CYCS: variants seen among roughly 807,000 people sequenced by gnomAD.
The protein encoded by CYCS is cytochrome c, somatic.
For synonymous variants in CYCS, 41 were observed against 43.0 expected, an observed-to-expected ratio of 0.95 and a Z score of 0.18; for missense variants, 87 against 125.3, an observed-to-expected ratio of 0.69 and a Z score of 1.46.
In CYCS at chr7:25,123,801, T is replaced by C. The variant is rs1783398673; in HGVS notation, c.218A>G (p.Lys73Arg). 1 of 1,613,708 alleles carries C rather than the reference T, an allele frequency of 6.2e-7. No individual in the cohort carries two copies. Among genetic ancestry groups the C allele is most frequent in the Non-Finnish European group, 8.5e-7 (1 of 1,179,958 alleles). ...CATTTTTGTTCCAGGGATGTACTTC[T>C]TGGGATTCTCCAAATACTCCATCAG... Reference protein sequence around the residue: ...DTLMEYLENPKKYIPGTKMIF... With the variant: ...DTLMEYLENPRKYIPGTKMIF... Residue 73 changes from lysine (K) to arginine (R), a missense_variant, in exon 3 of 3, where the codon AAG becomes AGG. Coordinates refer to ENST00000305786, the MANE Select transcript of CYCS (RefSeq NM_018947.6).
Position 25,119,331 on chromosome 7 carries a change from C to T in CYCS, c.*4370G>A, listed in dbSNP as rs531686272. On this transcript the variant is annotated 3_prime_UTR_variant, in exon 3 of 3. Coordinates refer to ENST00000305786, the MANE Select transcript of CYCS (RefSeq NM_018947.6). ...CACTATTGTTGCCCAGGCTGGAGTG[C>T]GATGGGGCGGTCTTGGCTCACTGCA... Among the ~76,000 whole-genome samples the T allele has an allele frequency of 1.3e-4, 20 of 152,212 alleles. No homozygotes were observed. In the East Asian group the frequency reaches 3.1e-3, roughly 23 times the overall value.
Position 25,122,486 on chromosome 7 carries a change from A to G in CYCS, c.*1215T>C, listed in dbSNP as rs893467749. 2 of 152,202 alleles carry G rather than the reference A, an allele frequency of 1.3e-5. No individual in the cohort carries two copies. The highest frequency in any genetic ancestry group is 4.8e-5 in the African/African-American group (2 of 41,438). 9.4% of individuals were successfully genotyped at this position (152,202 alleles called of 1,614,324 possible). ...GCTCACCATCTCCATAAAATCTCCA[A>G]GGACTACTCTAAATGTGTATGGCAC... On this transcript the variant is annotated 3_prime_UTR_variant, in exon 3 of 3. Transcript: ENST00000305786.
In CYCS at chr7:25,121,708, G is replaced by A. The variant is rs944517152; in HGVS notation, c.*1993C>T. 5 of 152,308 alleles carry A rather than the reference G, an allele frequency of 3.3e-5. No individual in the cohort carries two copies. Among genetic ancestry groups the A allele is most frequent in the Non-Finnish European group, 7.3e-5 (5 of 68,066 alleles). The allele number at this position is 152,308 out of a possible 1,614,324, so 9.4% of individuals were successfully genotyped here. ...CTTTGGGGAGCCAAGGCAAGTGGAC[G>A]GATTGCTTGAGCTCAGGAGTTTGAG... On this transcript the variant is annotated 3_prime_UTR_variant, in exon 3 of 3. Transcript: ENST00000305786.
rs1019931746 is a variant in CYCS at position 25,121,993 on chromosome 7, A to G, written c.*1708T>C. On this transcript the variant is annotated 3_prime_UTR_variant, in exon 3 of 3. Coordinates refer to ENST00000305786, the MANE Select transcript of CYCS (RefSeq NM_018947.6). ...TGAACACATTTCTGTATCTATCTTA[A>G]TATGTTTCCTGTATCATTTCCAGGA... 1.9e-5 allele frequency: 2 copies of G among 103,394 alleles called. No individual in the cohort carries two copies. The highest frequency in any genetic ancestry group is 5.0e-5 in the African/African-American group (1 of 19,926). 6.4% of individuals were successfully genotyped at this position (103,394 alleles called of 1,614,324 possible).
At position 25,119,892 on chromosome 7, in the gene CYCS, G is replaced by A. The variant is rs1318708046; in HGVS notation, c.*3809C>T. 6.6e-6 allele frequency among the ~76,000 whole-genome samples: 1 copy of A among 152,128 alleles called. No individual in the cohort carries two copies. Among genetic ancestry groups the A allele is most frequent in the Non-Finnish European group, 1.5e-5 (1 of 68,018 alleles). On this transcript the variant is annotated 3_prime_UTR_variant, in exon 3 of 3. Coordinates refer to ENST00000305786, the MANE Select transcript of CYCS (RefSeq NM_018947.6). ...AATCTTCAGTGGTTAAAGCAAAACTGTACATCTATAAAGGAATTCAAGAGA... is the reference window on the plus strand; with the variant it reads ...AATCTTCAGTGGTTAAAGCAAAACTATACATCTATAAAGGAATTCAAGAGA...
chr7:25,123,942 G>T lies in CYCS; in HGVS notation c.169+9C>A. On this transcript the variant is annotated intron_variant, in intron 2 of 2. Coordinates refer to ENST00000305786, the MANE Select transcript of CYCS (RefSeq NM_018947.6). ...TTTTGTGTTGTTTTATTTAACAAGTGACTCTTACCTTTGTTCTTATTGGCG... is the reference window on the plus strand; with the variant it reads ...TTTTGTGTTGTTTTATTTAACAAGTTACTCTTACCTTTGTTCTTATTGGCG... 6.2e-7 allele frequency: 1 copy of T among 1,614,092 alleles called. No homozygotes were observed. The highest frequency in any genetic ancestry group is 8.5e-7 in the Non-Finnish European group (1 of 1,180,014).
rs780802226 is a variant in CYCS, at chr7:25,121,492, T to C, written c.*2209A>G. On this transcript the variant is annotated 3_prime_UTR_variant, in exon 3 of 3. Coordinates refer to ENST00000305786, the MANE Select transcript of CYCS (RefSeq NM_018947.6). ...TGGAAGGCGGAGGTTGCAGTGAGAT[T>C]GCACCACTGTACTCAGCCTGGGCGA... 2 of 152,058 alleles carry C rather than the reference T, an allele frequency of 1.3e-5. No individual in the cohort carries two copies. The highest frequency in any genetic ancestry group is 4.8e-5 in the African/African-American group (2 of 41,366). 9.4% of individuals were successfully genotyped at this position (152,058 alleles called of 1,614,324 possible). A position where few individuals can be genotyped will look rare whatever the true frequency, so the allele number is the denominator to read the frequency against.
chr7:25,124,009 A>C lies in CYCS; in HGVS notation c.111T>G (p.Phe37Leu). The change falls in exon 2 of 3, where the codon TTT (phenylalanine) becomes TTG (leucine). Residue 37 changes from phenylalanine (F) to leucine (L), a missense_variant. By Grantham distance (22) the Phe-to-Leu change is conservative. Coordinates refer to ENST00000305786, the MANE Select transcript of CYCS (RefSeq NM_018947.6). ...CAGGGGCCTGACCTGTCTTCCGCCC[A>C]AAGAGACCATGGAGATTTGGCCCAG... ...HKTGPNLHGL[F>L]GRKTGQAPGY... The C allele has an allele frequency of 6.2e-7, 1 of 1,614,148 alleles. No homozygotes were observed. Among genetic ancestry groups the C allele is most frequent in the Non-Finnish European group, 8.5e-7 (1 of 1,180,030 alleles).
Position 25,119,034 on chromosome 7 carries a change from T to C in CYCS, c.*4667A>G, listed in dbSNP as rs1026665496. 1.4e-4 allele frequency among the ~76,000 whole-genome samples: 21 copies of C among 152,134 alleles called. No homozygotes were observed. The highest frequency in any genetic ancestry group is 1.2e-3 in the Admixed American group (18 of 15,282). ...TCTAAGGATATGAACACCAGGACAATGGTTATTCTGAGGCACAGAAAATAC... is the reference window on the plus strand; with the variant it reads ...TCTAAGGATATGAACACCAGGACAACGGTTATTCTGAGGCACAGAAAATAC... On this transcript the variant is annotated 3_prime_UTR_variant, in exon 3 of 3. Coordinates refer to ENST00000305786, the MANE Select transcript of CYCS (RefSeq NM_018947.6).
At position 25,119,303 on chromosome 7, in the gene CYCS, T is replaced by C. The variant is rs141805409; in HGVS notation, c.*4398A>G. ...AACTTTTTTTCTTTTTGAGACGGAG[T>C]TTCACTATTGTTGCCCAGGCTGGAG... On this transcript the variant is annotated 3_prime_UTR_variant, in exon 3 of 3. Transcript: ENST00000305786. Among the ~76,000 whole-genome samples, 35 of 152,090 alleles carry C rather than the reference T, an allele frequency of 2.3e-4. No individual in the cohort carries two copies. In the East Asian group the frequency reaches 6.8e-3, roughly 29 times the overall value.
intron 1 of CYCS, chr7:25,124,544 G>A (rs535646740): frequency 1.5e-5 from 4 of 263,486 alleles, no homozygotes; most frequent in Non-Finnish European, 3.0e-5. Flanking sequence ...TCTCCCTGAG[G>A]ATAACGCAAA....
In CYCS at chr7:25,120,184, C is replaced by G. The variant is rs1320330136; in HGVS notation, c.*3517G>C. ...CACTGCAACCTCCACCTCCCAAGTT[C>G]AAGTGATTCTTGTGCCTCAGCCTCC... On this transcript the variant is annotated 3_prime_UTR_variant, in exon 3 of 3. Coordinates refer to ENST00000305786, the MANE Select transcript of CYCS (RefSeq NM_018947.6). The G allele has an allele frequency of 6.6e-6, 1 of 151,736 alleles. No homozygotes were observed. Among genetic ancestry groups the G allele is most frequent in the African/African-American group, 2.4e-5 (1 of 41,274 alleles). 9.4% of individuals were successfully genotyped at this position (151,736 alleles called of 1,614,324 possible). A position where few individuals can be genotyped will look rare whatever the true frequency, so the allele number is the denominator to read the frequency against.
chr7:25,124,609 G>A (rs1051126948), intron 1 of CYCS: 1 of 203,672 alleles, frequency 4.9e-6, no homozygotes, highest in Admixed American at 5.3e-5. Flanking sequence ...CAGGTCACAG[G>A]AGTAGCTTGA....
rs761699534 is a variant in CYCS at position 25,122,906 on chromosome 7, C to T, written c.*795G>A. ...TTAAAATTTGTGTATATCTCCGTTA[C>T]TTTAATCCTTTTAAGTTGGCAAAAG... On this transcript the variant is annotated 3_prime_UTR_variant, in exon 3 of 3. Transcript: ENST00000305786. 6.6e-6 allele frequency: 1 copy of T among 152,210 alleles called. No individual in the cohort carries two copies. The highest frequency in any genetic ancestry group is 1.5e-5 in the Non-Finnish European group (1 of 68,032). 9.4% of individuals were successfully genotyped at this position (152,210 alleles called of 1,614,324 possible). A position where few individuals can be genotyped will look rare whatever the true frequency, so the allele number is the denominator to read the frequency against.
chr7:25,123,658 T>C lies in CYCS; in HGVS notation c.*43A>G. ...AAGGATGGTACACATAAAAAAGTCA[T>C]GAGACATTTCTGTTTTGTAATAAAT... On this transcript the variant is annotated 3_prime_UTR_variant, in exon 3 of 3. Transcript: ENST00000305786. The C allele has an allele frequency of 6.5e-7, 1 of 1,548,034 alleles. No homozygotes were observed. Among genetic ancestry groups the C allele is most frequent in the Non-Finnish European group, 8.8e-7 (1 of 1,134,738 alleles).
rs542089649 is a variant in CYCS, at chr7:25,123,979, G to A, written c.141C>T (p.Tyr47=). The change falls in exon 2 of 3, where the codon TAC becomes TAT. Residue 47 remains tyrosine (Y), a synonymous_variant. Coordinates refer to ENST00000305786, the MANE Select transcript of CYCS (RefSeq NM_018947.6). ...FGRKTGQAPG[Y]SYTAANKNKG... ...TGTTCTTATTGGCGGCTGTGTAAGAGTATCCAGGGGCCTGACCTGTCTTCC... is the reference window on the plus strand; with the variant it reads ...TGTTCTTATTGGCGGCTGTGTAAGAATATCCAGGGGCCTGACCTGTCTTCC... 1 of 1,614,150 alleles carries A rather than the reference G, an allele frequency of 6.2e-7. No homozygotes were observed. Among genetic ancestry groups the A allele is most frequent in the African/African-American group, 1.3e-5 (1 of 75,028 alleles).
Position 25,124,800 on chromosome 7 carries a change from C to A in CYCS, c.-9+400G>T, listed in dbSNP as rs138030886. 1.4e-4 allele frequency: 22 copies of A among 153,292 alleles called. No homozygotes were observed. In the South Asian group the frequency reaches 3.3e-3, roughly 23 times the overall value. 9.5% of individuals were successfully genotyped at this position (153,292 alleles called of 1,614,324 possible). On this transcript the variant is annotated intron_variant, in intron 1 of 2. Coordinates refer to ENST00000305786, the MANE Select transcript of CYCS (RefSeq NM_018947.6). ...GACTGACGGAAGAAACATGTGCCCA[C>A]GAAAAGAACTGGCCCCTTATTAGAA...
At chr7:25,124,252 A>C in intron 1 of CYCS, 125 bp from the exon 2 acceptor site, 1 of 788,550 alleles carries the variant, frequency 1.3e-6, no homozygotes, top group South Asian at 1.5e-5. Context: ...TACCAGAATG[A>C]ATCTTGTTTT....
In CYCS at chr7:25,119,194, T is replaced by C. The variant is rs1583392514; in HGVS notation, c.*4507A>G. On this transcript the variant is annotated 3_prime_UTR_variant, in exon 3 of 3. Transcript: ENST00000305786. ...GCATTACATAGCTCTCGCCCCCAAC[T>C]TGGCAACATCTTATTGGTTTTCAGA... Among the ~76,000 whole-genome samples, 1 of 152,216 alleles carries C rather than the reference T, an allele frequency of 6.6e-6. No homozygotes were observed. The highest frequency in any genetic ancestry group is 1.9e-4 in the East Asian group (1 of 5,198).
Sources: gnomAD v4.1 joint callset for allele counts (sites outside exome capture counted in the v4.1 genomes callset) on GRCh38, gnomAD v4.1.1 for gene constraint, MANE v1.5 for transcripts, NCBI Gene and HGNC (gene_info 2026-07-23, HGNC 2026-07-21) for gene names.